Variants in UBE2D3 observed in about 807,000 individuals in gnomAD.
UBE2D3 encodes the protein ubiquitin-conjugating enzyme E2 D3.
A neutral mutation model predicts 22.8 loss-of-function variants in UBE2D3; 2 were observed. The ratio of observed to expected loss-of-function variants is 0.09; its 90% CI spans 0.04 to 0.28. The LOEUF (loss-of-function observed/expected upper bound fraction) is 0.28, where lower values mean the gene tolerates loss of function less well. Ranked by LOEUF, UBE2D3 falls within the 10% of genes least tolerant of loss-of-function variation. The pLI is 1.00. For synonymous variants in UBE2D3, 56 were observed against 60.4 expected (o/e 0.93, Z 0.34); for missense variants, 27 against 182.5 (o/e 0.15, Z 4.91).
chr4:102,810,781 AGTTT>A (rs1323132632), intron 2 of UBE2D3: 1 of 152,034 alleles, frequency 6.6e-6, no homozygotes, highest in East Asian at 1.9e-4. Context: ...ATGAAAATAT[AGTTT>A]ATTAGAATAT....
chr4:102,815,347 A>C (rs914643269), intron 2 of UBE2D3, among the ~76,000 whole-genome samples: 1 of 152,130 alleles, frequency 6.6e-6, no homozygotes, highest in Non-Finnish European at 1.5e-5. Flanking sequence ...GCCAGAATAA[A>C]TATTAAGATA....
intron 1 of UBE2D3, among the ~76,000 whole-genome samples, chr4:102,849,175 C>T (rs1732207161): frequency 6.6e-6 from 1 of 150,632 alleles, no homozygotes; most frequent in African/African-American, 2.4e-5. Context: ...TGAGACTAGC[C>T]GGGACAACAT....
At chr4:102,805,287 T>C (rs554363548) in intron 4 of UBE2D3, among the ~76,000 whole-genome samples, 1 of 152,308 alleles carries the variant, frequency 6.6e-6, no homozygotes, top group Non-Finnish European at 1.5e-5. Flanking sequence ...ATTTAAATTC[T>C]ATTATGAATC....
chr4:102,867,436 A>G (rs191012455), intron 1 of UBE2D3, among the ~76,000 whole-genome samples: 4 of 152,328 alleles, frequency 2.6e-5, no homozygotes, highest in Admixed American at 1.3e-4. Context: ...TATTATTAAG[A>G]TATCACACAC....
chr4:102,824,021 C>G (rs991664938), intron 2 of UBE2D3, among the ~76,000 whole-genome samples: 10 of 152,190 alleles, frequency 6.6e-5, no homozygotes, highest in Admixed American at 2.0e-4. Context: ...GAAGAGCATT[C>G]CAGTTCAGAG....
At chr4:102,866,502 G>T (rs1174416539) in intron 1 of UBE2D3, among the ~76,000 whole-genome samples, 3 of 152,082 alleles carry the variant, frequency 2.0e-5, no homozygotes, top group Non-Finnish European at 2.9e-5. Context: ...TATTGATGTG[G>T]GTGGTGGTTA....
intron 1 of UBE2D3, among the ~76,000 whole-genome samples, chr4:102,841,506 C>T (rs930318856): frequency 3.3e-5 from 5 of 152,192 alleles, no homozygotes; most frequent in African/African-American, 4.8e-5. Context: ...TCATCTTTGT[C>T]TTTCACCCTT....
chr4:102,803,282 C>A (rs1227795842), intron 4 of UBE2D3, among the ~76,000 whole-genome samples: 3 of 152,216 alleles, frequency 2.0e-5, no homozygotes, highest in Admixed American at 2.0e-4. Flanking sequence ...ATCAAAGATA[C>A]TGACCTACTC....
intron 1 of UBE2D3, among the ~76,000 whole-genome samples, chr4:102,856,407 T>C (rs1356305413): frequency 2.0e-5 from 3 of 152,140 alleles, no homozygotes; most frequent in Non-Finnish European, 4.4e-5. Flanking sequence ...AAGAACATCA[T>C]AGATAAATAG....
rs150667788 is a variant in UBE2D3 at position 102,820,583 on chromosome 4, G to A, written c.24+5902C>T. Among the ~76,000 whole-genome samples, 824 of 152,062 alleles carry A rather than the reference G, an allele frequency of 5.4e-3. 3 individuals carry two copies. The highest frequency in any genetic ancestry group is 8.5e-3 in the Non-Finnish European group (575 of 67,966). On this transcript the variant is annotated intron_variant, in intron 2 of 7. Transcript: ENST00000453744. ...GATTGAATATTACTAATTTTCTTTCGATCACCACTGAAGGTAAAGTCACTT... is the reference window on the plus strand; with the variant it reads ...GATTGAATATTACTAATTTTCTTTCAATCACCACTGAAGGTAAAGTCACTT...
At chr4:102,827,113 G>C in intron 1 of UBE2D3, 1 of 986,598 alleles carries the variant, frequency 1.0e-6, no homozygotes, top group Non-Finnish European at 1.2e-6. Flanking sequence ...TCCTCGCAGC[G>C]AGCTATTCTG....
At chr4:102,821,082 G>A (rs967926484) in intron 2 of UBE2D3, among the ~76,000 whole-genome samples, 1 of 152,064 alleles carries the variant, frequency 6.6e-6, no homozygotes, top group African/African-American at 2.4e-5. Flanking sequence ...TATCTAATAA[G>A]AGAAACTGGG....
chr4:102,821,944 G>T (rs549164612), intron 2 of UBE2D3, among the ~76,000 whole-genome samples: 1 of 152,166 alleles, frequency 6.6e-6, no homozygotes, highest in Non-Finnish European at 1.5e-5. Context: ...ACCTAGGTTT[G>T]AGATTTTAAT....
intron 4 of UBE2D3, among the ~76,000 whole-genome samples, chr4:102,806,224 C>A (rs1420748577): frequency 6.6e-6 from 1 of 152,070 alleles, no homozygotes; most frequent in Non-Finnish European, 1.5e-5. Context: ...AGAACATGTT[C>A]TCTACTGCAC....
chr4:102,849,198 C>A, intron 1 of UBE2D3, among the ~76,000 whole-genome samples: 1 of 147,076 alleles, frequency 6.8e-6, no homozygotes, highest in African/African-American at 2.5e-5. Flanking sequence ...CAAAACCCCA[C>A]TTCTACAAAA....
chr4:102,826,882 G>GT (rs1007890761), intron 1 of UBE2D3: 1 of 1,060,312 alleles, frequency 9.4e-7, no homozygotes, highest in African/African-American at 1.7e-5. Context: ...AGGAAGAGGC[G>GT]TAGGAGAAAG....
chr4:102,866,923 A>G (rs548968626), intron 1 of UBE2D3, among the ~76,000 whole-genome samples: 1 of 152,348 alleles, frequency 6.6e-6, no homozygotes, highest in South Asian at 2.1e-4. Context: ...AGTTAACAGA[A>G]TAGTCCAGAG....
chr4:102,815,192 C>T (rs1315934259), intron 2 of UBE2D3, among the ~76,000 whole-genome samples: 5 of 151,870 alleles, frequency 3.3e-5, no homozygotes, highest in East Asian at 1.9e-4. Context: ...TAGAGATGTG[C>T]GCCACCACAC....
intron 2 of UBE2D3, chr4:102,825,397 AG>A (rs1221433201): frequency 1.9e-6 from 2 of 1,028,124 alleles, no homozygotes; most frequent in Non-Finnish European, 2.3e-6. Flanking sequence ...GTTTGAATTT[AG>A]GTAAGTTTTG....
Sources: allele counts gnomAD v4.1 joint callset (sites outside exome capture counted in the v4.1 genomes callset), GRCh38; gene constraint gnomAD v4.1.1; transcripts MANE v1.5; gene names NCBI Gene and HGNC (gene_info 2026-07-23, HGNC 2026-07-21).